L3MBTL4: variants seen among roughly 807,000 people sequenced by gnomAD.
The protein encoded by L3MBTL4 is L3MBTL histone methyl-lysine binding protein 4.
In L3MBTL4, 70 loss-of-function variants were observed where a neutral mutation model predicts 84.5. That is an observed-to-expected ratio of 0.83 (90% CI 0.68 to 1.01). The LOEUF (loss-of-function observed/expected upper bound fraction) is 1.01, where lower values mean the gene tolerates loss of function less well. Among genes scored for constraint, L3MBTL4 ranks in the 50% least tolerant of loss-of-function variants. The pLI is 0.00. For missense variants in L3MBTL4, 715 were observed against 754.8 expected, an observed-to-expected ratio of 0.95 and a Z score of 0.62; for synonymous variants, 274 against 259.8, an observed-to-expected ratio of 1.05 and a Z score of -0.52.
At chr18:6,330,266 A>G (rs2051959085) in intron 1 of L3MBTL4, among the ~76,000 whole-genome samples, 1 of 152,220 alleles carries the variant, frequency 6.6e-6, no homozygotes. Context: ...GTGGCCTAAA[A>G]CAACACAAAT....
At chr18:6,334,525 T>G (rs1599679586) in intron 1 of L3MBTL4, among the ~76,000 whole-genome samples, 1 of 152,176 alleles carries the variant, frequency 6.6e-6, no homozygotes, top group East Asian at 1.9e-4. Context: ...TAAAAATATG[T>G]TTAAAAAGTA....
At chr18:6,128,824 G>A (rs182139910) in intron 14 of L3MBTL4, among the ~76,000 whole-genome samples, 42 of 152,248 alleles carry the variant, frequency 2.8e-4, no homozygotes, top group African/African-American at 1.0e-3. Context: ...GACCTGGAAG[G>A]CAGCTGTGCA....
At position 6,171,920 on chromosome 18, in the gene L3MBTL4, T is replaced by C. The variant is rs769939481; in HGVS notation, c.1004A>G (p.His335Arg). 11 of 1,553,080 alleles carry C rather than the reference T, an allele frequency of 7.1e-6. No homozygotes were observed. Among genetic ancestry groups the C allele is most frequent in the South Asian group, 2.4e-5 (2 of 84,098 alleles). ...TGCCTCCACCCAGTAGTCATACTTA[T>C]GGTCCCAACCATCAAAATGAACCTG... is the stretch of plus-strand genomic sequence containing the variant. ...RVKVHFDGWD[H>R]KYDYWVEADS... The change falls in exon 13 of 19, where the codon CAT becomes CGT. Residue 335 changes from histidine (H) to arginine (R), a missense_variant. Physicochemically the swap from His to Arg is conservative, Grantham distance 29 (BLOSUM62 0). Transcript: ENST00000317931.
intron 4 of L3MBTL4, among the ~76,000 whole-genome samples, chr18:6,280,759 C>A (rs2049286328): frequency 6.6e-6 from 1 of 152,086 alleles, no homozygotes; most frequent in African/African-American, 2.4e-5. Context: ...AAGAGCTTTC[C>A]CAGCTGTGGC....
chr18:6,004,733 A>G (rs745852415), intron 16 of L3MBTL4, among the ~76,000 whole-genome samples: 1 of 152,222 alleles, frequency 6.6e-6, no homozygotes, highest in Non-Finnish European at 1.5e-5. Context: ...AAGACATGAC[A>G]TTAAGTGAAC....
chr18:6,256,522 A>C (rs1457137498), intron 5 of L3MBTL4, among the ~76,000 whole-genome samples: 3 of 151,454 alleles, frequency 2.0e-5, no homozygotes, highest in Non-Finnish European at 4.4e-5. Flanking sequence ...TTCAGGACAT[A>C]AAGTCTTTCT....
chr18:6,009,153 A>C (rs969007658), intron 16 of L3MBTL4, among the ~76,000 whole-genome samples: 2 of 152,348 alleles, frequency 1.3e-5, no homozygotes, highest in Non-Finnish European at 2.9e-5. Context: ...AAAGATTCTT[A>C]GTTACAGAAA....
chr18:6,299,582 C>T (rs1256437890), intron 4 of L3MBTL4, among the ~76,000 whole-genome samples: 1 of 152,172 alleles, frequency 6.6e-6, no homozygotes. Context: ...ACAGACTGGG[C>T]ACTCAATAAA....
chr18:6,371,914 A>G lies in L3MBTL4; in HGVS notation c.-91+42887T>C, dbSNP rs74638407. The stretch of plus-strand genomic sequence containing the variant: ...GGCTCTCCACAATAGCCTCTCTTCA[A>G]TGTCTACCTTGACGCAATGAACACA... On this transcript the variant is annotated intron_variant, in intron 1 of 18. Coordinates refer to ENST00000317931, the MANE Select transcript of L3MBTL4 (RefSeq NM_001330559.2). Among the ~76,000 whole-genome samples, 93 of 152,320 alleles carry G rather than the reference A, an allele frequency of 6.1e-4. 2 individuals carry two copies. In the East Asian group the frequency reaches 0.016, roughly 27 times the overall value.
At chr18:6,055,819 T>A (rs1424723062) in intron 16 of L3MBTL4, among the ~76,000 whole-genome samples, 1 of 152,142 alleles carries the variant, frequency 6.6e-6, no homozygotes, top group East Asian at 1.9e-4. Context: ...CAGGGAAGGA[T>A]CCTTCCACTA....
chr18:6,014,746 T>C (rs935251552), intron 16 of L3MBTL4, among the ~76,000 whole-genome samples: 5 of 152,084 alleles, frequency 3.3e-5, no homozygotes, highest in African/African-American at 4.8e-5. Flanking sequence ...TTAAGAAAAC[T>C]TGACCTTACC....
intron 4 of L3MBTL4, among the ~76,000 whole-genome samples, chr18:6,285,210 G>A (rs903277319): frequency 5.3e-5 from 8 of 152,222 alleles, no homozygotes; most frequent in African/African-American, 1.9e-4. Context: ...TGGAGCCCAC[G>A]TGGGATGAGG....
chr18:6,154,995 T>C (rs928552181), intron 13 of L3MBTL4, among the ~76,000 whole-genome samples: 3 of 152,220 alleles, frequency 2.0e-5, no homozygotes, highest in Non-Finnish European at 4.4e-5. Flanking sequence ...AACTGCTCAT[T>C]AAAGTATAAA....
chr18:6,308,514 T>A (rs2050691830), intron 3 of L3MBTL4, among the ~76,000 whole-genome samples: 1 of 152,198 alleles, frequency 6.6e-6, no homozygotes, highest in South Asian at 2.1e-4. Flanking sequence ...ACATTGTGTA[T>A]AACCATAAAA....
At chr18:6,351,610 G>A (rs893614925) in intron 1 of L3MBTL4, among the ~76,000 whole-genome samples, 4 of 151,554 alleles carry the variant, frequency 2.6e-5, no homozygotes, top group African/African-American at 9.7e-5. Context: ...GGAGTGCAGT[G>A]GCGTGATCTC....
chr18:6,208,113 TAAAA>T (rs1028468344), intron 12 of L3MBTL4, among the ~76,000 whole-genome samples: 1 of 131,726 alleles, frequency 7.6e-6, no homozygotes, highest in Non-Finnish European at 1.6e-5. Flanking sequence ...AGACCCTGTC[TAAAA>T]AATAAATAAA....
At position 5,956,301 on chromosome 18, in the gene L3MBTL4, A is replaced by G; in HGVS notation, c.1764T>C (p.Ile588=). The G allele has an allele frequency of 6.2e-7, 1 of 1,614,112 alleles. No individual in the cohort carries two copies. The highest frequency in any genetic ancestry group is 8.5e-7 in the Non-Finnish European group (1 of 1,179,974). Residue 588 remains isoleucine, a synonymous_variant, in exon 19 of 19, where the codon ATT becomes ATC. Transcript: ENST00000317931. ...MKIKLGPALK[I]YNSILMFRHS... ...GCCTGAACATCAGGATAGAGTTGTAAATCTTCAGTGCTGGGCCCAGTTTGA... is the reference window on the plus strand; with the variant it reads ...GCCTGAACATCAGGATAGAGTTGTAGATCTTCAGTGCTGGGCCCAGTTTGA...
chr18:6,156,382 A>C (rs1336251223), intron 13 of L3MBTL4, among the ~76,000 whole-genome samples: 2 of 148,494 alleles, frequency 1.3e-5, no homozygotes, highest in African/African-American at 5.3e-5. Context: ...CAATTACCAC[A>C]ACAACAATGA....
intron 5 of L3MBTL4, among the ~76,000 whole-genome samples, chr18:6,261,642 C>A (rs1168449265): frequency 1.3e-5 from 2 of 152,168 alleles, no homozygotes; most frequent in Admixed American, 1.3e-4. Flanking sequence ...ATTCCCAACA[C>A]CATCATGAGG....
Sources: gnomAD v4.1 joint callset for allele counts (sites outside exome capture counted in the v4.1 genomes callset) on GRCh38, gnomAD v4.1.1 for gene constraint, MANE v1.5 for transcripts, NCBI Gene and HGNC (gene_info 2026-07-23, HGNC 2026-07-21) for gene names.